Variants in ANKRD18B observed in about 807,000 individuals in gnomAD.
ANKRD18B encodes ankyrin repeat domain 18B.
A neutral mutation model predicts 111.8 loss-of-function variants in ANKRD18B; 75 were observed. The ratio of observed to expected loss-of-function variants is 0.67; its 90% CI spans 0.56 to 0.81. The LOEUF is 0.81. ANKRD18B is among the 40% of genes least tolerant of loss of function. The pLI is 0.00. For synonymous variants in ANKRD18B, 356 were observed against 417.3 expected (o/e 0.85, Z 1.79); for missense variants, 1,038 against 1,225.5 (o/e 0.85, Z 2.28).
chr9:33,557,920 C>T (rs1828550636), intron 13 of ANKRD18B, 138 bp from the exon 14 acceptor site: 2 of 756,096 alleles, frequency 2.6e-6, no homozygotes, highest in African/African-American at 3.6e-5. Flanking sequence ...TGCTTTCAAA[C>T]TATGTTCAGT....
intron 12 of ANKRD18B, among the ~76,000 whole-genome samples, chr9:33,552,425 T>C (rs1021030059): frequency 5.3e-5 from 8 of 152,200 alleles, no homozygotes; most frequent in African/African-American, 1.9e-4. Context: ...GTGAAGGCAG[T>C]GCCACAGCAA....
At chr9:33,532,615 A>G (rs1165712147) in intron 3 of ANKRD18B, among the ~76,000 whole-genome samples, 1 of 152,192 alleles carries the variant, frequency 6.6e-6, no homozygotes, top group Non-Finnish European at 1.5e-5. Context: ...AGTATTTAAT[A>G]ATAAGGAAAA....
rs148405984 is a variant in ANKRD18B, at chr9:33,558,352, C to T, written c.2460+165C>T. On this transcript the variant is annotated intron_variant, in intron 14 of 18. Coordinates refer to ENST00000684830, the MANE Select transcript of ANKRD18B (RefSeq NM_001393611.1). ...ATTAGCTATTAATCTTGATGCTCCCCCTCCTGACCCCAACAAGCCCCAGTG... is the reference window on the plus strand; with the variant it reads ...ATTAGCTATTAATCTTGATGCTCCCTCTCCTGACCCCAACAAGCCCCAGTG... 9.0e-4 allele frequency among the ~76,000 whole-genome samples: 137 copies of T among 152,218 alleles called. 2 individuals carry two copies. The highest frequency in any genetic ancestry group is 3.2e-3 in the African/African-American group (132 of 41,526).
intron 9 of ANKRD18B, among the ~76,000 whole-genome samples, chr9:33,542,276 A>G (rs1394748668): frequency 1.3e-5 from 2 of 150,148 alleles, no homozygotes; most frequent in Admixed American, 6.7e-5. Flanking sequence ...GAAAAATTCA[A>G]AAAGTACGAA....
chr9:33,556,789 CTTCT>C (rs1828533673), intron 13 of ANKRD18B, among the ~76,000 whole-genome samples: 3 of 152,058 alleles, frequency 2.0e-5, no homozygotes, highest in Admixed American at 2.0e-4. Flanking sequence ...TTTGTTTCTG[CTTCT>C]TTGTTTTTCT....
intron 14 of ANKRD18B, among the ~76,000 whole-genome samples, chr9:33,558,580 T>C (rs1828561721): frequency 6.6e-6 from 1 of 152,188 alleles, no homozygotes; most frequent in African/African-American, 2.4e-5. Flanking sequence ...ACCACATTTT[T>C]TTATCCTGTC....
At position 33,555,812 on chromosome 9, in the gene ANKRD18B, G is replaced by A. The variant is rs745947965; in HGVS notation, c.2322G>A (p.Glu774=). The stretch of plus-strand genomic sequence containing the variant: ...AGAAAAATCGTGAATTAGAAGAAGA[G>A]GCAACTGGGTATGGTTTTCATATTG... The part of the protein sequence containing the change: ...IRKKNRELEE[E]ATGYKKCLEM... The change falls in exon 13 of 19, where the codon GAG becomes GAA. Residue 774 remains glutamate, a synonymous_variant. Transcript: ENST00000684830. The A allele has an allele frequency of 1.2e-4, 163 of 1,381,378 alleles. 1 individual carries two copies. The highest frequency in any genetic ancestry group is 1.5e-4 in the Non-Finnish European group (159 of 1,063,078). The allele number at this position is 1,381,378 out of a possible 1,614,324, so 85.6% of individuals were successfully genotyped here.
Position 33,524,382 on chromosome 9 carries a change from G to T in ANKRD18B, c.-108G>T, listed in dbSNP as rs535303817. ...TGCATCTTGGATTTAGGGGTGGATC[G>T]CTGGGTGGGGAGGGGGATCTCGAAT... is the stretch of plus-strand genomic sequence containing the variant. On this transcript the variant is annotated 5_prime_UTR_variant, in exon 1 of 19. Coordinates refer to ENST00000684830, the MANE Select transcript of ANKRD18B (RefSeq NM_001393611.1). 9.1e-5 allele frequency: 46 copies of T among 504,312 alleles called. No homozygotes were observed. The highest frequency in any genetic ancestry group is 1.4e-4 in the Non-Finnish European group (46 of 333,728). 31.2% of individuals were successfully genotyped at this position (504,312 alleles called of 1,614,324 possible). A position where few individuals can be genotyped will look rare whatever the true frequency, so the allele number is the denominator to read the frequency against.
chr9:33,569,019 G>A, intron 17 of ANKRD18B, 126 bp downstream of exon 17: 1 of 869,388 alleles, frequency 1.2e-6, no homozygotes, highest in Non-Finnish European at 1.6e-6. Flanking sequence ...AATTAGCTGT[G>A]TTAACACAGA....
chr9:33,549,404 G>A (rs1828415451), intron 11 of ANKRD18B, among the ~76,000 whole-genome samples: 1 of 152,126 alleles, frequency 6.6e-6, no homozygotes, highest in Non-Finnish European at 1.5e-5. Flanking sequence ...TGCTGATAAG[G>A]TGTGTAGTCT....
At chr9:33,525,723 C>G (rs976530996) in intron 1 of ANKRD18B, among the ~76,000 whole-genome samples, 1 of 150,764 alleles carries the variant, frequency 6.6e-6, no homozygotes, top group South Asian at 2.1e-4. Flanking sequence ...AGATAACACA[C>G]TTGAAAAATA....
intron 15 of ANKRD18B, 85 bp downstream of exon 15, chr9:33,566,585 G>A: frequency 1.4e-6 from 2 of 1,476,254 alleles, no homozygotes; most frequent in East Asian, 4.9e-5. Flanking sequence ...TGTATATATT[G>A]TGTTTCCTCT....
At chr9:33,550,173 T>C (rs1339407283) in intron 11 of ANKRD18B, among the ~76,000 whole-genome samples, 1 of 152,178 alleles carries the variant, frequency 6.6e-6, no homozygotes, top group African/African-American at 2.4e-5. Flanking sequence ...GGAACTCAGG[T>C]TGAGTTGAGG....
At chr9:33,529,826 A>C (rs1162125484) in intron 3 of ANKRD18B, among the ~76,000 whole-genome samples, 1 of 152,162 alleles carries the variant, frequency 6.6e-6, no homozygotes, top group African/African-American at 2.4e-5. Context: ...TCTGAGGAAA[A>C]CAGATTGGCA....
chr9:33,559,546 G>A (rs911632584), intron 14 of ANKRD18B, among the ~76,000 whole-genome samples: 2 of 151,714 alleles, frequency 1.3e-5, no homozygotes, highest in Non-Finnish European at 2.9e-5. Flanking sequence ...TAGAAATTGG[G>A]GCAAAAGAAT....
downstream of ANKRD18B, chr9:33,573,152 A>G: frequency 1.4e-6 from 2 of 1,392,628 alleles, no homozygotes; most frequent in Non-Finnish European, 1.9e-6. Context: ...CTAATGTTGT[A>G]TTTTCTCTGC....
At chr9:33,570,924 C>T (rs551285471) in intron 17 of ANKRD18B, among the ~76,000 whole-genome samples, 3 of 152,246 alleles carry the variant, frequency 2.0e-5, no homozygotes, top group South Asian at 4.2e-4. Context: ...GCGTGAGCTG[C>T]CATGCCCGGT....
intron 16 of ANKRD18B, among the ~76,000 whole-genome samples, chr9:33,567,753 C>A (rs1828708730): frequency 6.6e-6 from 1 of 152,168 alleles, no homozygotes; most frequent in African/African-American, 2.4e-5. Context: ...GGCACTCAGG[C>A]AGGGACTGTT....
intron 13 of ANKRD18B, among the ~76,000 whole-genome samples, chr9:33,556,605 G>A (rs1396965671): frequency 1.4e-4 from 21 of 152,154 alleles, no homozygotes; most frequent in Non-Finnish European, 2.9e-4. Context: ...GACATGTAAT[G>A]TCAAGCGCAC....
Sources: gnomAD v4.1 joint callset for allele counts (sites outside exome capture counted in the v4.1 genomes callset) on GRCh38, gnomAD v4.1.1 for gene constraint, MANE v1.5 for transcripts, NCBI Gene and HGNC (gene_info 2026-07-23, HGNC 2026-07-21) for gene names.